Variants in SCUBE2 observed in about 807,000 individuals in gnomAD.
SCUBE2 encodes the protein signal peptide, CUB domain and EGF like domain containing 2.
In SCUBE2, 114 loss-of-function variants were observed where a neutral mutation model predicts 125.9. That is an observed-to-expected ratio of 0.91 (90% CI 0.78 to 1.06). The LOEUF is 1.06. SCUBE2 is among the 50% of genes least tolerant of loss of function. The pLI, the probability that SCUBE2 is intolerant of heterozygous loss-of-function variation, is 0.00. For missense variants in SCUBE2, 1,255 were observed against 1,301.8 expected (o/e 0.96, Z 0.55); for synonymous variants, 459 against 492.9 (o/e 0.93, Z 0.91).
In SCUBE2 at chr11:9,019,796, C is replaced by T. The variant is rs1383669865; in HGVS notation, c.*1249G>A. On this transcript the variant is annotated 3_prime_UTR_variant, in exon 23 of 23. Transcript: ENST00000649792. ...ACAAAACACTATAGTTGTAGGTAGT[C>T]CATCCATTAGGGAAGTGGTGGCTTG... Among the ~76,000 whole-genome samples, 1 of 152,118 alleles carries T rather than the reference C, an allele frequency of 6.6e-6. No individual in the cohort carries two copies. The highest frequency in any genetic ancestry group is 2.4e-5 in the African/African-American group (1 of 41,420).
At chr11:9,076,059 G>A (rs1050670161) in intron 3 of SCUBE2, among the ~76,000 whole-genome samples, 8 of 152,218 alleles carry the variant, frequency 5.3e-5, no homozygotes, top group African/African-American at 1.9e-4. Flanking sequence ...TCAGTGGGGA[G>A]CTTGGAAGAG....
chr11:9,059,549 T>C, intron 8 of SCUBE2, 124 bp from the exon 9 acceptor site: 1 of 1,225,202 alleles, frequency 8.2e-7, no homozygotes, highest in Non-Finnish European at 1.1e-6. Flanking sequence ...ACAAAAGCAT[T>C]TAAGAATGTT....
intron 2 of SCUBE2, among the ~76,000 whole-genome samples, chr11:9,085,554 G>A (rs1861980481): frequency 6.6e-6 from 1 of 151,976 alleles, no homozygotes; most frequent in Admixed American, 6.6e-5. Flanking sequence ...GTGAAACCCC[G>A]TCTTTGCTAA....
In SCUBE2 at chr11:9,020,852, C is replaced by T. The variant is rs879257548; in HGVS notation, c.*193G>A. On this transcript the variant is annotated 3_prime_UTR_variant, in exon 23 of 23. Transcript: ENST00000649792. ...GCCACTCAAAGCCATTCTCAGTCTA[C>T]ATCCACGATGCTGGGAAAGAAAAAC... 2.2e-5 allele frequency: 11 copies of T among 500,970 alleles called. No homozygotes were observed. The highest frequency in any genetic ancestry group is 1.6e-4 in the East Asian group (5 of 30,476). 31.0% of individuals were successfully genotyped at this position (500,970 alleles called of 1,614,324 possible). A position where few individuals can be genotyped will look rare whatever the true frequency, so the allele number is the denominator to read the frequency against.
chr11:9,068,041 G>A (rs2135735121), intron 5 of SCUBE2, among the ~76,000 whole-genome samples: 1 of 152,282 alleles, frequency 6.6e-6, no homozygotes, highest in East Asian at 1.9e-4. Flanking sequence ...GGGGCCCTAA[G>A]AGCATGTCAG....
At chr11:9,031,159 G>A in intron 17 of SCUBE2, 1 of 387,032 alleles carries the variant, frequency 2.6e-6, no homozygotes. Flanking sequence ...TGGAAACCAA[G>A]AAGTCAAGTG....
At chr11:9,084,525 A>AG (rs72517898) in intron 2 of SCUBE2, among the ~76,000 whole-genome samples, 6,949 of 65,386 alleles carry the variant, frequency 0.11, 427 homozygotes, top group African/African-American at 0.22. Context: ...TCTATTGCAA[A>AG]GGGGAAAAAA....
At chr11:9,053,238 T>C (rs1240372728) in intron 11 of SCUBE2, 23 bp from the exon 12 acceptor site, 12 of 1,583,560 alleles carry the variant, frequency 7.6e-6, no homozygotes, top group Non-Finnish European at 9.5e-6. Context: ...AAACAGACAC[T>C]TACAGAAAGA....
At chr11:9,030,190 C>T (rs1450552539) in intron 18 of SCUBE2, 145 bp from the exon 19 acceptor site, 1 of 839,010 alleles carries the variant, frequency 1.2e-6, no homozygotes. Context: ...CTAATCAACA[C>T]TTAATTCCCT....
Position 9,074,455 on chromosome 11 carries a change from C to T in SCUBE2, c.517+26G>A, listed in dbSNP as rs371997922. On this transcript the variant is annotated intron_variant, in intron 4 of 22. Transcript: ENST00000649792. ...GAGAGGGTCTCAGATGTGGCTCTGC[C>T]CCCATCCACAGCTGGGCAGAGGTAC... 8 of 1,613,310 alleles carry T rather than the reference C, an allele frequency of 5.0e-6. No individual in the cohort carries two copies. In the South Asian group the frequency reaches 7.7e-5, roughly 16 times the overall value.
intron 16 of SCUBE2, among the ~76,000 whole-genome samples, chr11:9,039,885 C>A (rs1379855354): frequency 2.0e-5 from 3 of 152,186 alleles, no homozygotes; most frequent in Non-Finnish European, 4.4e-5. Context: ...GATGTCCTGA[C>A]CTATATGATC....
intron 20 of SCUBE2, chr11:9,026,066 A>T (rs1363551622): frequency 2.0e-6 from 1 of 510,034 alleles, no homozygotes; most frequent in Non-Finnish European, 3.4e-6. Flanking sequence ...CACCTGAAAG[A>T]CCTGGGGCTT....
chr11:9,052,940 G>A, intron 12 of SCUBE2, 108 bp from the exon 13 acceptor site: 1 of 1,053,164 alleles, frequency 9.5e-7, no homozygotes, highest in East Asian at 2.6e-5. Context: ...CTAGAAAAAT[G>A]CCCAGCATAT....
chr11:9,066,716 T>G lies in SCUBE2; in HGVS notation c.741A>C (p.Thr247=), dbSNP rs1860271058. 1 of 1,614,024 alleles carries G rather than the reference T, an allele frequency of 6.2e-7. No homozygotes were observed. The highest frequency in any genetic ancestry group is 1.3e-5 in the African/African-American group (1 of 74,956). Reference sequence around the variant, plus strand: ...ACTCACCAAGGCAGCTCCTCCCATCTGTGTGCATCTTGTACTGTGGATGGC... The same window carrying G: ...ACTCACCAAGGCAGCTCCTCCCATCGGTGTGCATCTTGTACTGTGGATGGC... The part of the protein sequence containing the change: ...CSCHPQYKMH[T]DGRSCLERED... The change falls in exon 6 of 23, where the codon ACA becomes ACC. Residue 247 remains threonine, a synonymous_variant. Coordinates refer to ENST00000649792, the MANE Select transcript of SCUBE2 (RefSeq NM_001367977.2).
Position 9,052,748 on chromosome 11 carries a change from C to T in SCUBE2, c.1532G>A (p.Gly511Glu). Reference sequence around the variant, plus strand: ...GAACACGCAGATTTGGTAATTACCCCCAAAAGCAGAGTCATTTGATTTTTG... The same window carrying T: ...GAACACGCAGATTTGGTAATTACCCTCAAAAGCAGAGTCATTTGATTTTTG... ...KQQKSNDSAF[G>E]DVTTIRTSVT... The change falls in exon 13 of 23, where the codon GGG becomes GAG. Residue 511 changes from glycine to glutamate, a missense_variant and splice_region_variant. Physicochemically the swap from Gly to Glu is moderately conservative, Grantham distance 98. This residue lies in a region of SCUBE2 where 378 missense variants were observed against 463.1 expected (regional missense o/e 0.82). Transcript: ENST00000649792. The T allele has an allele frequency of 6.5e-7, 1 of 1,535,984 alleles. No homozygotes were observed. The highest frequency in any genetic ancestry group is 8.7e-7 in the Non-Finnish European group (1 of 1,145,820).
chr11:9,056,056 T>C (rs1334805208), intron 9 of SCUBE2, 147 bp from the exon 10 acceptor site: 2 of 680,536 alleles, frequency 2.9e-6, no homozygotes. Flanking sequence ...CCTCACTCAC[T>C]TGTGTTAAAG....
chr11:9,080,185 A>G (rs140242276), intron 2 of SCUBE2, among the ~76,000 whole-genome samples: 282 of 152,304 alleles, frequency 1.9e-3, no homozygotes, highest in African/African-American at 6.5e-3. Context: ...AAGGTAATCC[A>G]TTGGGAGAAA....
intron 2 of SCUBE2, among the ~76,000 whole-genome samples, chr11:9,088,448 C>G (rs574258096): frequency 3.7e-4 from 56 of 152,358 alleles, no homozygotes; most frequent in African/African-American, 1.2e-3. Context: ...CTTCAGTGAG[C>G]TGAGATCGCG....
At chr11:9,066,855 C>T in intron 5 of SCUBE2, 42 bp from the exon 6 acceptor site, 1 of 1,492,590 alleles carries the variant, frequency 6.7e-7, no homozygotes, top group South Asian at 1.1e-5. Context: ...CTGAGATTTC[C>T]ACAAACACAG....
Sources: gnomAD v4.1 joint callset for allele counts (sites outside exome capture counted in the v4.1 genomes callset) on GRCh38, gnomAD v4.1.1 for gene constraint, gnomAD v4.1.1 regional missense constraint, MANE v1.5 for transcripts, NCBI Gene and HGNC (gene_info 2026-07-23, HGNC 2026-07-21) for gene names.